KIAA1217: variants seen among roughly 807,000 people sequenced by gnomAD.
KIAA1217 encodes KIAA1217, also known as sickle tail protein homolog.
KIAA1217 carries 88 observed loss-of-function variants against 163.9 expected under a neutral mutation model. The ratio of observed to expected loss-of-function variants is 0.54; its 90% CI spans 0.45 to 0.64. The LOEUF (loss-of-function observed/expected upper bound fraction) is 0.64, where lower values mean the gene tolerates loss of function less well. KIAA1217 is among the 30% of genes least tolerant of loss of function. The probability of loss-of-function intolerance (pLI) is 0.00; values close to 1 mark genes in which losing one functional copy is unlikely to be tolerated. For synonymous variants in KIAA1217, 903 were observed against 923.1 expected, an observed-to-expected ratio of 0.98 and a Z score of 0.39; for missense variants, 2,372 against 2,475.0, an observed-to-expected ratio of 0.96 and a Z score of 0.88.
chr10:24,273,068 T>G (rs890494984), intron 2 of KIAA1217, among the ~76,000 whole-genome samples: 3 of 152,188 alleles, frequency 2.0e-5, no homozygotes, highest in Admixed American at 6.5e-5. Context: ...ACTAGTTAAT[T>G]TTTTAGTTAA....
At chr10:24,545,177 A>G (rs1405254828) in intron 20 of KIAA1217, 74 bp downstream of exon 20, 5 of 1,584,470 alleles carry the variant, frequency 3.2e-6, no homozygotes, top group Middle Eastern at 3.4e-4. Flanking sequence ...GTTTATACCA[A>G]ATATTGTGCT....
intron 3 of KIAA1217, among the ~76,000 whole-genome samples, chr10:24,385,507 A>C (rs776333305): frequency 5.9e-5 from 9 of 152,194 alleles, no homozygotes; most frequent in Non-Finnish European, 1.2e-4. Flanking sequence ...AGACAGAGCC[A>C]AGTGACAGCA....
At chr10:23,905,031 C>T (rs2131254505) in intron 1 of KIAA1217, among the ~76,000 whole-genome samples, 1 of 149,924 alleles carries the variant, frequency 6.7e-6, no homozygotes, top group East Asian at 2.0e-4. Flanking sequence ...AGCAGAGGTC[C>T]CATTGAATTG....
chr10:24,058,944 T>C (rs1281827000), intron 2 of KIAA1217, among the ~76,000 whole-genome samples: 2 of 152,188 alleles, frequency 1.3e-5, no homozygotes, highest in Non-Finnish European at 2.9e-5. Flanking sequence ...AGAGTGATCA[T>C]TCTTGTCTTC....
intron 1 of KIAA1217, among the ~76,000 whole-genome samples, chr10:23,725,780 C>T (rs924711968): frequency 3.3e-5 from 5 of 152,186 alleles, no homozygotes; most frequent in African/African-American, 1.2e-4. Flanking sequence ...GTAATAAACA[C>T]TTGGTTACAT....
chr10:23,760,048 T>A (rs1373239681), intron 1 of KIAA1217, among the ~76,000 whole-genome samples: 2 of 152,228 alleles, frequency 1.3e-5, no homozygotes, highest in Non-Finnish European at 2.9e-5. Context: ...TTTTATTTTA[T>A]TTTTGGATTT....
At chr10:23,869,506 T>C (rs925791820) in intron 1 of KIAA1217, among the ~76,000 whole-genome samples, 3 of 152,192 alleles carry the variant, frequency 2.0e-5, no homozygotes, top group South Asian at 2.1e-4. Flanking sequence ...TCAGACCAGA[T>C]GGGACTTCTA....
At chr10:24,092,383 C>A (rs2061967510) in intron 2 of KIAA1217, among the ~76,000 whole-genome samples, 1 of 151,784 alleles carries the variant, frequency 6.6e-6, no homozygotes, top group Admixed American at 6.6e-5. Flanking sequence ...CTAAACATAG[C>A]CATGCCATAT....
chr10:24,220,754 CTTTTTTTTTT>C (rs58991505), intron 2 of KIAA1217, among the ~76,000 whole-genome samples: 4 of 74,216 alleles, frequency 5.4e-5, no homozygotes, highest in African/African-American at 1.2e-4. Flanking sequence ...GCACCCCGGC[CTTTTTTTTTT>C]TTTTTTTTTT....
At chr10:24,510,746 G>T (rs1026352322) in intron 9 of KIAA1217, among the ~76,000 whole-genome samples, 1 of 152,098 alleles carries the variant, frequency 6.6e-6, no homozygotes, top group Non-Finnish European at 1.5e-5. Flanking sequence ...TTAATCAACC[G>T]ATATGAACAG....
At chr10:23,896,059 G>T (rs1841681225) in intron 1 of KIAA1217, among the ~76,000 whole-genome samples, 3 of 151,478 alleles carry the variant, frequency 2.0e-5, no homozygotes, top group East Asian at 2.0e-4. Context: ...GAGTTAGTGG[G>T]TGCAGCACAC....
At chr10:24,170,722 G>A (rs1564785008) in intron 2 of KIAA1217, among the ~76,000 whole-genome samples, 1 of 152,152 alleles carries the variant, frequency 6.6e-6, no homozygotes, top group Admixed American at 6.5e-5. Flanking sequence ...TTTCTATTCC[G>A]AGTTGACTAG....
chr10:24,099,433 T>TATTTG (rs1410309394), intron 2 of KIAA1217, among the ~76,000 whole-genome samples: 1 of 151,150 alleles, frequency 6.6e-6, no homozygotes, highest in Admixed American at 6.6e-5. Context: ...GAACATGCAG[T>TATTTG]ATTTGGTTTT....
intron 2 of KIAA1217, among the ~76,000 whole-genome samples, chr10:24,248,670 CAAAAAAAAAAAA>C (rs929995548): frequency 1.9e-4 from 7 of 36,476 alleles, no homozygotes; most frequent in African/African-American, 3.4e-4. Flanking sequence ...GACTCCATCT[CAAAAAAAAAAAA>C]AAAAAAAAAA....
intron 1 of KIAA1217, among the ~76,000 whole-genome samples, chr10:23,815,292 G>T (rs924827798): frequency 6.6e-5 from 10 of 152,076 alleles, no homozygotes; most frequent in African/African-American, 2.4e-4. Context: ...AATTGCTTAA[G>T]ATGACATCAT....
In KIAA1217 at chr10:24,237,006, G is replaced by C. The variant is rs889146685; in HGVS notation, c.354+17097G>C. Among the ~76,000 whole-genome samples, 4 of 152,174 alleles carry C rather than the reference G, an allele frequency of 2.6e-5. No homozygotes were observed. In the East Asian group the frequency reaches 7.7e-4, roughly 29 times the overall value. ...TGTTGAAGCGAATTCAAGACAGAGA[G>C]TCTTATTTGCTCTCCAAGTCAATCA... On this transcript the variant is annotated intron_variant, in intron 2 of 20. Coordinates refer to ENST00000376454, the MANE Select transcript of KIAA1217 (RefSeq NM_019590.5).
At chr10:24,123,134 T>TTGTGTGTGTGTG (rs35526705) in intron 2 of KIAA1217, among the ~76,000 whole-genome samples, 110 of 148,172 alleles carry the variant, frequency 7.4e-4, no homozygotes, top group African/African-American at 2.5e-3. Context: ...TACTGTGTGT[T>TTGTGTGTGTGTG]TGTGTGTGTG....
chr10:23,723,842 C>T (rs891582497), intron 1 of KIAA1217, among the ~76,000 whole-genome samples: 1 of 152,072 alleles, frequency 6.6e-6, no homozygotes, highest in African/African-American at 2.4e-5. Context: ...TCTCAGATTG[C>T]TATAAAAATA....
chr10:24,524,898 G>A (rs1407926217), intron 13 of KIAA1217, 134 bp downstream of exon 13: 5 of 827,370 alleles, frequency 6.0e-6, no homozygotes, highest in African/African-American at 5.2e-5. Context: ...AGTGGAAGTG[G>A]GATTCAGTGG....
Sources: gnomAD v4.1 joint callset for allele counts (sites outside exome capture counted in the v4.1 genomes callset) on GRCh38, gnomAD v4.1.1 for gene constraint, MANE v1.5 for transcripts, NCBI Gene and HGNC (gene_info 2026-07-23, HGNC 2026-07-21) for gene names.